Variants in NREP observed in about 807,000 individuals in gnomAD.
The protein encoded by NREP is neuronal regeneration-related protein.
Under a neutral mutation model 8.6 loss-of-function variants are expected in NREP, and 5 were observed. That is an observed-to-expected ratio of 0.58 (90% confidence interval 0.30 to 1.22). The LOEUF (loss-of-function observed/expected upper bound fraction) is 1.22, where lower values mean the gene tolerates loss of function less well. Ranked by LOEUF, NREP falls within the 50% of genes most tolerant of loss-of-function variation. NREP has a pLI of 0.07. For synonymous variants in NREP, 27 were observed against 28.0 expected, an observed-to-expected ratio of 0.96 and a Z score of 0.11; for missense variants, 86 against 82.5, an observed-to-expected ratio of 1.04 and a Z score of -0.17.
intron 2 of NREP, among the ~76,000 whole-genome samples, chr5:111,824,780 C>A (rs999365073): frequency 3.3e-5 from 5 of 152,104 alleles, no homozygotes; most frequent in African/African-American, 9.7e-5. Flanking sequence ...TATTTATAAT[C>A]TTTTCCAGGT....
intron 2 of NREP, among the ~76,000 whole-genome samples, chr5:111,835,857 A>C (rs73789519): frequency 0.068 from 10,417 of 152,174 alleles, 1,017 homozygotes; most frequent in African/African-American, 0.22. Context: ...TTTCTTGACC[A>C]GAAGGTGAGT....
chr5:111,840,395 C>T (rs372516477), intron 2 of NREP, among the ~76,000 whole-genome samples: 27 of 152,164 alleles, frequency 1.8e-4, no homozygotes, highest in African/African-American at 6.3e-4. Flanking sequence ...ACTACAGCTA[C>T]CATAGCCATT....
intron 2 of NREP, among the ~76,000 whole-genome samples, chr5:111,911,553 G>A (rs538267606): frequency 2.0e-5 from 3 of 152,116 alleles, no homozygotes; most frequent in African/African-American, 4.8e-5. Flanking sequence ...GGAGTGAGCT[G>A]GAGATATGTT....
At chr5:111,787,665 C>A (rs966611674) in intron 2 of NREP, among the ~76,000 whole-genome samples, 10 of 151,198 alleles carry the variant, frequency 6.6e-5, no homozygotes, top group Admixed American at 5.3e-4. Flanking sequence ...TTTCCAAATG[C>A]GTTTTTTTAT....
chr5:111,889,448 CACA>C (rs1754341416), intron 2 of NREP, among the ~76,000 whole-genome samples: 2 of 152,324 alleles, frequency 1.3e-5, no homozygotes, highest in Middle Eastern at 3.4e-3. Flanking sequence ...TACATATCAA[CACA>C]ACATTTGGAA....
chr5:111,943,182 G>A (rs1368187540), intron 2 of NREP, among the ~76,000 whole-genome samples: 3 of 151,950 alleles, frequency 2.0e-5, no homozygotes, highest in Admixed American at 6.6e-5. Flanking sequence ...TATGAATAAA[G>A]CTGCCTGCTA....
intron 2 of NREP, among the ~76,000 whole-genome samples, chr5:111,964,679 G>A (rs906690286): frequency 1.3e-5 from 2 of 151,772 alleles, no homozygotes; most frequent in African/African-American, 4.8e-5. Context: ...CTATTCTACT[G>A]TTGATAGACA....
In NREP at chr5:111,729,752, C is replaced by T. The variant is rs184848981; in HGVS notation, c.*1169G>A. 1,816 of 152,420 alleles carry T rather than the reference C, an allele frequency of 0.012. 22 individuals carry two copies. Among genetic ancestry groups the T allele is most frequent in the Non-Finnish European group, 0.019 (1,262 of 67,962 alleles). 9.4% of individuals were successfully genotyped at this position (152,420 alleles called of 1,614,324 possible). A position where few individuals can be genotyped will look rare whatever the true frequency, so the allele number is the denominator to read the frequency against. ...GTAATTTATTTTTGTTTATCCATTT[C>T]GTTGGGAGCAAGGACAAAAATGTAA... On this transcript the variant is annotated 3_prime_UTR_variant, in exon 4 of 4. Coordinates refer to ENST00000257435, the MANE Select transcript of NREP (RefSeq NM_004772.4).
At chr5:111,833,461 A>G (rs1752821814) in intron 2 of NREP, among the ~76,000 whole-genome samples, 1 of 152,246 alleles carries the variant, frequency 6.6e-6, no homozygotes, top group African/African-American at 2.4e-5. Context: ...AGACCGAGGT[A>G]AAATCTGTTC....
chr5:111,938,707 G>A (rs535748851), intron 2 of NREP, among the ~76,000 whole-genome samples: 7 of 152,034 alleles, frequency 4.6e-5, no homozygotes, highest in South Asian at 2.1e-4. Context: ...AAATGCCTTC[G>A]TACGTGTAAA....
At chr5:111,872,846 A>G (rs1046811806) in intron 2 of NREP, among the ~76,000 whole-genome samples, 18 of 152,210 alleles carry the variant, frequency 1.2e-4, no homozygotes, top group African/African-American at 4.3e-4. Flanking sequence ...AACACTTCTC[A>G]GAAGTTTTCC....
intron 2 of NREP, chr5:111,755,456 C>G (rs1581087384): frequency 2.9e-6 from 1 of 346,010 alleles, no homozygotes; most frequent in East Asian, 5.9e-5. Flanking sequence ...CACCTCCATG[C>G]GTGTCACAAC....
intron 2 of NREP, among the ~76,000 whole-genome samples, chr5:111,948,665 T>A (rs894980206): frequency 2.0e-5 from 3 of 151,888 alleles, no homozygotes; most frequent in Non-Finnish European, 4.4e-5. Context: ...CCAGAACAAA[T>A]CCAACACTTC....
At chr5:111,754,547 T>C (rs954731951) in intron 2 of NREP, among the ~76,000 whole-genome samples, 11 of 152,206 alleles carry the variant, frequency 7.2e-5, no homozygotes, top group Non-Finnish European at 1.6e-4. Flanking sequence ...TACCATCCTA[T>C]TATTCTATGA....
chr5:111,880,884 C>A (rs960189684), intron 2 of NREP, among the ~76,000 whole-genome samples: 3 of 151,980 alleles, frequency 2.0e-5, no homozygotes, highest in African/African-American at 7.3e-5. Context: ...TTCTACAGCT[C>A]CCAGCGTGAG....
chr5:111,759,382 T>C (rs1044274424), upstream of NREP, among the ~76,000 whole-genome samples: 7 of 152,162 alleles, frequency 4.6e-5, no homozygotes, highest in African/African-American at 1.7e-4. Context: ...AAGATGTTCT[T>C]TCACAGAGAA....
At chr5:111,852,102 G>C (rs1457098776) in intron 2 of NREP, among the ~76,000 whole-genome samples, 3 of 152,108 alleles carry the variant, frequency 2.0e-5, no homozygotes, top group African/African-American at 7.2e-5. Flanking sequence ...GAGCTGGAGG[G>C]AACTAGCTTA....
chr5:111,751,058 T>A (rs932658575), intron 2 of NREP, among the ~76,000 whole-genome samples: 4 of 152,204 alleles, frequency 2.6e-5, no homozygotes, highest in Admixed American at 2.6e-4. Context: ...CTAAACACGA[T>A]TAAATCATTA....
chr5:111,893,328 A>C (rs1373557930), intron 2 of NREP, among the ~76,000 whole-genome samples: 1 of 152,172 alleles, frequency 6.6e-6, no homozygotes, highest in African/African-American at 2.4e-5. Context: ...TGTGAGTTAG[A>C]AAATAATTGA....
Sources: gnomAD v4.1 joint callset for allele counts (sites outside exome capture counted in the v4.1 genomes callset) on GRCh38, gnomAD v4.1.1 for gene constraint, MANE v1.5 for transcripts, NCBI Gene and HGNC (gene_info 2026-07-23, HGNC 2026-07-21) for gene names.